Variants in PAH observed in about 807,000 individuals in gnomAD.
The protein encoded by PAH is phenylalanine-4-hydroxylase.
In PAH, 64 loss-of-function variants were observed where a neutral mutation model predicts 62.0. That is an observed-to-expected ratio of 1.03 (90% CI 0.84 to 1.27). The LOEUF (loss-of-function observed/expected upper bound fraction) is 1.27, where lower values mean the gene tolerates loss of function less well. Among genes scored for constraint, PAH ranks in the 50% most tolerant of loss-of-function variants. The pLI, the probability that PAH is intolerant of heterozygous loss-of-function variation, is 0.00. For missense variants in PAH, 579 were observed against 542.8 expected (o/e 1.07, Z -0.66); for synonymous variants, 195 against 196.2 (o/e 0.99, Z 0.05).
At position 102,957,832 on chromosome 12, in the gene PAH, G is replaced by C. The variant is rs1284900146; in HGVS notation, c.-96+363C>G. On this transcript the variant is annotated intron_variant, in intron 1 of 4. Coordinates refer to the PAH transcript ENST00000551337. This position sits in a 1 kb window ranked among gnomAD's most constrained non-coding sequence, Gnocchi z 4.1. ...GGAGAGACCGAGACCCGGCGCAAGA[G>C]AGCGCAGCCTTAGTAGGAGAGGAAC... The C allele has an allele frequency of 6.0e-6, 1 of 166,038 alleles. No homozygotes were observed. Among genetic ancestry groups the C allele is most frequent in the African/African-American group, 2.4e-5 (1 of 42,118 alleles). The allele number at this position is 166,038 out of a possible 1,614,324, so 10.3% of individuals were successfully genotyped here.
At chr12:102,940,718 G>A (rs539161353) in intron 1 of PAH, among the ~76,000 whole-genome samples, 31 of 152,310 alleles carry the variant, frequency 2.0e-4, no homozygotes, top group African/African-American at 7.5e-4. Flanking sequence ...TGAAAGACAG[G>A]AAGAGAGAGC....
At chr12:102,861,759 C>T (rs949551836) in intron 5 of PAH, among the ~76,000 whole-genome samples, 2 of 152,010 alleles carry the variant, frequency 1.3e-5, no homozygotes, top group South Asian at 2.1e-4. Flanking sequence ...CATGTTCTCA[C>T]TCATAGGTGG....
At chr12:102,851,783 C>T (rs768897517) in intron 7 of PAH, 27 bp from the exon 8 acceptor site, 11 of 1,598,582 alleles carry the variant, frequency 6.9e-6, no homozygotes, top group Middle Eastern at 1.7e-4. Context: ...ACAGAGAGCT[C>T]GGAGGGGAGG....
intron 1 of PAH, among the ~76,000 whole-genome samples, chr12:102,932,915 A>G (rs1257351289): frequency 6.6e-6 from 1 of 152,234 alleles, no homozygotes; most frequent in African/African-American, 2.4e-5. Context: ...TACACATTGC[A>G]CGCTTATACT....
intron 3 of PAH, among the ~76,000 whole-genome samples, chr12:102,882,435 G>A (rs183411777): frequency 3.9e-4 from 59 of 152,064 alleles, no homozygotes; most frequent in Non-Finnish European, 6.9e-4. Flanking sequence ...CTTTGAAATG[G>A]TGATAATAGT....
rs771080801 is a variant in PAH, at chr12:102,846,931, C to A, written c.933G>T (p.Leu311=). Residue 311 remains leucine, a synonymous_variant, in exon 9 of 13, where the codon CTG becomes CTT. Transcript: ENST00000553106. The part of the protein sequence containing the change: ...QFSQEIGLAS[L]GAPDEYIEKL... Reference sequence around the variant, plus strand: ...TTTCAATGTATTCATCAGGTGCACCCAGAGAGGCAAGGCCAATTTCCTGTA... The same window carrying A: ...TTTCAATGTATTCATCAGGTGCACCAAGAGAGGCAAGGCCAATTTCCTGTA... 6.2e-7 allele frequency: 1 copy of A among 1,613,714 alleles called. No individual in the cohort carries two copies.
In PAH at chr12:102,895,869, AATAT is replaced by A. The variant is rs1555208128; in HGVS notation, c.169-955_169-952del. 6.0e-3 allele frequency among the ~76,000 whole-genome samples: 708 copies of A among 118,698 alleles called. 10 individuals carry two copies. Among genetic ancestry groups the A allele is most frequent in the African/African-American group, 0.024 (677 of 28,064 alleles). The allele number at this position is 118,698 out of a possible 152,430, so 77.9% of individuals were successfully genotyped here. A position where few individuals can be genotyped will look rare whatever the true frequency, so the allele number is the denominator to read the frequency against. On this transcript the variant is annotated intron_variant, in intron 2 of 12. Transcript: ENST00000553106. The stretch of plus-strand genomic sequence containing the variant: ...GACTCTGTCTCAAAAAAAAAAAAAA[AATAT>A]ATATATATATATATATATGTATATA...
chr12:102,874,074 T>C (rs1876466857), intron 4 of PAH, among the ~76,000 whole-genome samples: 1 of 152,182 alleles, frequency 6.6e-6, no homozygotes. Context: ...ATTGTTGCCA[T>C]CTCTGAGATA....
rs755787172 is a variant in PAH, at chr12:102,840,461, G to A, written c.1254C>T (p.Thr418=). 3 of 1,613,984 alleles carry A rather than the reference G, an allele frequency of 1.9e-6. No individual in the cohort carries two copies. The Admixed American group carries it at 5.0e-5, about 27-fold the overall frequency. The change falls in exon 12 of 13, where the codon ACC becomes ACT. Residue 418 remains threonine (T), a synonymous_variant. Transcript: ENST00000553106. ...TATTGTCCAAGACCTCAATCCTTTGGGTGTATGGGTCGTAGCGAACTGAGA... is the reference window on the plus strand; with the variant it reads ...TATTGTCCAAGACCTCAATCCTTTGAGTGTATGGGTCGTAGCGAACTGAGA... ...RPFSVRYDPY[T]QRIEVLDNTQ...
At chr12:102,930,872 A>G (rs1402167941) in intron 1 of PAH, among the ~76,000 whole-genome samples, 1 of 152,252 alleles carries the variant, frequency 6.6e-6, no homozygotes, top group Non-Finnish European at 1.5e-5. Flanking sequence ...GTGGTTCTAC[A>G]ACTACACATT....
intron 6 of PAH, chr12:102,853,490 T>G (rs931168713): frequency 1.0e-5 from 2 of 191,694 alleles, no homozygotes; most frequent in Non-Finnish European, 2.2e-5. Context: ...AATTTAACTC[T>G]TTCTGTACTG....
chr12:102,928,732 T>A (rs1399030046), intron 1 of PAH, among the ~76,000 whole-genome samples: 1 of 152,122 alleles, frequency 6.6e-6, no homozygotes, highest in East Asian at 1.9e-4. Flanking sequence ...GGATATAAAT[T>A]CTTTTGCTAA....
chr12:102,955,053 T>G (rs141353103), upstream of PAH, among the ~76,000 whole-genome samples: 80 of 152,324 alleles, frequency 5.3e-4, no homozygotes, highest in African/African-American at 1.7e-3. Flanking sequence ...AGACAAATGT[T>G]CTGGCGGTTT....
chr12:102,890,192 G>A (rs1268128460), intron 3 of PAH, among the ~76,000 whole-genome samples: 1 of 152,170 alleles, frequency 6.6e-6, no homozygotes, highest in Admixed American at 6.5e-5. Context: ...AGAGTGGAAA[G>A]TAGTTTAGCT....
intron 1 of PAH, among the ~76,000 whole-genome samples, chr12:102,946,192 C>T (rs1457107877): frequency 3.9e-5 from 6 of 152,174 alleles, no homozygotes; most frequent in Non-Finnish European, 5.9e-5. Flanking sequence ...GAAGGAGTCT[C>T]TCCTGGAGCT....
intron 1 of PAH, among the ~76,000 whole-genome samples, chr12:102,934,397 T>C (rs1879023260): frequency 6.7e-6 from 1 of 149,906 alleles, no homozygotes; most frequent in Non-Finnish European, 1.5e-5. Context: ...AGAATAGCTT[T>C]GGATATTCTG....
At chr12:102,916,835 C>T (rs944420159) in intron 1 of PAH, among the ~76,000 whole-genome samples, 1 of 152,162 alleles carries the variant, frequency 6.6e-6, no homozygotes, top group Admixed American at 6.5e-5. Flanking sequence ...GATCCCCAAC[C>T]CCCTAAAGCA....
At chr12:102,862,326 T>A (rs1375674463) in intron 5 of PAH, among the ~76,000 whole-genome samples, 3 of 152,116 alleles carry the variant, frequency 2.0e-5, no homozygotes, top group African/African-American at 2.4e-5. Context: ...ATGTTCTCAC[T>A]TGTAAGTGGG....
rs542504224 is a variant in PAH, at chr12:102,845,655, G to T, written c.970-1224C>A. On this transcript the variant is annotated intron_variant, in intron 9 of 12. Coordinates refer to ENST00000553106, the MANE Select transcript of PAH (RefSeq NM_000277.3). ...TCACAGTTTTGGAGAATTAGGGGTA[G>T]GTTATTAGTTACATCTGTTTATTGG... Among the ~76,000 whole-genome samples, 12 of 152,262 alleles carry T rather than the reference G, an allele frequency of 7.9e-5. No individual in the cohort carries two copies. The South Asian group carries it at 2.5e-3, about 32-fold the overall frequency.
Sources: gnomAD v4.1 joint callset for allele counts (sites outside exome capture counted in the v4.1 genomes callset) on GRCh38, gnomAD v4.1.1 for gene constraint, Gnocchi (gnomAD v3.1) non-coding constraint, MANE v1.5 for transcripts, NCBI Gene and HGNC (gene_info 2026-07-23, HGNC 2026-07-21) for gene names.